Variants in L3MBTL4 observed in about 807,000 individuals in gnomAD.
L3MBTL4 encodes lethal(3)malignant brain tumor-like protein 4.
Under a neutral mutation model 84.5 loss-of-function variants are expected in L3MBTL4, and 70 were observed. The observed-to-expected ratio is 0.83, with a 90% CI of 0.68 to 1.01. The LOEUF is 1.01. Ranked by LOEUF, L3MBTL4 falls within the 50% of genes least tolerant of loss-of-function variation. The pLI is 0.00. For synonymous variants in L3MBTL4, 274 were observed against 259.8 expected, an observed-to-expected ratio of 1.05 and a Z score of -0.52; for missense variants, 715 against 754.8, an observed-to-expected ratio of 0.95 and a Z score of 0.62.
intron 5 of L3MBTL4, chr18:6,260,372 G>A (rs1157003247): frequency 6.6e-6 from 1 of 152,100 alleles, no homozygotes; most frequent in African/African-American, 2.4e-5. Flanking sequence ...TTGCTTTGGG[G>A]AGTATGGCCA....
At chr18:6,038,878 T>C (rs558605724) in intron 16 of L3MBTL4, among the ~76,000 whole-genome samples, 1 of 152,024 alleles carries the variant, frequency 6.6e-6, no homozygotes, top group Admixed American at 6.5e-5. Flanking sequence ...CCCCCTACGG[T>C]TTTTGGAGAT....
chr18:6,365,943 A>G (rs1215285690), intron 1 of L3MBTL4, among the ~76,000 whole-genome samples: 2 of 152,202 alleles, frequency 1.3e-5, no homozygotes, highest in Non-Finnish European at 2.9e-5. Flanking sequence ...TTGAAAAAAA[A>G]TCACACAGCC....
In L3MBTL4 at chr18:6,239,800, C is replaced by T. The variant is rs2047378258; in HGVS notation, c.625G>A (p.Val209Met). 1 of 1,614,070 alleles carries T rather than the reference C, an allele frequency of 6.2e-7. No homozygotes were observed. Among genetic ancestry groups the T allele is most frequent in the African/African-American group, 1.3e-5 (1 of 74,934 alleles). ...EAVDRKNPSL[V>M]CVATIADIVE... ...ATATCTGCTATGGTCGCCACACACACCAAGGAAGGGTTCTTCCTGTCCACG... is the reference window on the plus strand; with the variant it reads ...ATATCTGCTATGGTCGCCACACACATCAAGGAAGGGTTCTTCCTGTCCACG... Residue 209 changes from valine (V) to methionine (M), a missense_variant, in exon 9 of 19, where the codon GTG becomes ATG. Coordinates refer to ENST00000317931, the MANE Select transcript of L3MBTL4 (RefSeq NM_001330559.2).
Position 6,291,497 on chromosome 18 carries a change from G to A in L3MBTL4, c.127+10406C>T, listed in dbSNP as rs147210987. On this transcript the variant is annotated intron_variant, in intron 4 of 18. Transcript: ENST00000317931. ...TCAGCATGGTACTGGCATAGAAACA[G>A]ACACACAGACTGATGGAACACAACA... Among the ~76,000 whole-genome samples the A allele has an allele frequency of 7.1e-3, 1,085 of 152,232 alleles. 5 individuals carry two copies. Among genetic ancestry groups the A allele is most frequent in the Non-Finnish European group, 0.011 (728 of 68,016 alleles).
chr18:6,319,481 C>T (rs1328211716), intron 1 of L3MBTL4, among the ~76,000 whole-genome samples: 1 of 151,946 alleles, frequency 6.6e-6, no homozygotes, highest in African/African-American at 2.4e-5. Context: ...TATATAAAAT[C>T]ATTTGTGACT....
At chr18:6,120,389 TCAGACTGTTGCCTGTGTTGCAAGGGC>T (rs1193742644) in intron 14 of L3MBTL4, among the ~76,000 whole-genome samples, 1 of 152,160 alleles carries the variant, frequency 6.6e-6, no homozygotes. Context: ...ACCTAATATA[TCAGACTGTTGCCTGTGTTGCAAGGGC>T]CAGCTTGTGG....
At chr18:6,133,821 T>C (rs572507602) in intron 14 of L3MBTL4, among the ~76,000 whole-genome samples, 138 of 151,918 alleles carry the variant, frequency 9.1e-4, no homozygotes, top group Non-Finnish European at 1.1e-3. Context: ...ATCTCAGGAG[T>C]TGGGTGAGTG....
At chr18:6,314,027 G>T (rs1055431984) in intron 1 of L3MBTL4, among the ~76,000 whole-genome samples, 1 of 147,694 alleles carries the variant, frequency 6.8e-6, no homozygotes, top group Non-Finnish European at 1.5e-5. Context: ...TATACAGATG[G>T]ATGGCAGATG....
At chr18:5,959,907 TTCCTGCTGGATC>T (rs2095253813) in intron 18 of L3MBTL4, among the ~76,000 whole-genome samples, 175 bp downstream of exon 18, 1 of 151,878 alleles carries the variant, frequency 6.6e-6, no homozygotes, top group Non-Finnish European at 1.5e-5. Flanking sequence ...TTGGGCTCTA[TTCCTGCTGGATC>T]TCCTTTGTCT....
rs555443319 is a variant in L3MBTL4 at position 6,272,298 on chromosome 18, T to C, written c.128-8260A>G. ...AGTTTTAGGCTGCTAGGGAAGAAGA[T>C]GGGAGGGCACCCTACCAAATACCCT... is the stretch of plus-strand genomic sequence containing the variant. On this transcript the variant is annotated intron_variant, in intron 4 of 18. Coordinates refer to ENST00000317931, the MANE Select transcript of L3MBTL4 (RefSeq NM_001330559.2). 5.9e-5 allele frequency among the ~76,000 whole-genome samples: 9 copies of C among 152,244 alleles called. No homozygotes were observed. In the East Asian group the frequency reaches 1.5e-3, roughly 26 times the overall value.
intron 16 of L3MBTL4, among the ~76,000 whole-genome samples, chr18:6,073,470 T>A (rs2057756124): frequency 6.6e-6 from 1 of 152,164 alleles, no homozygotes; most frequent in Non-Finnish European, 1.5e-5. Context: ...TGTGAATTCA[T>A]CTAAACAGTT....
chr18:6,357,918 T>C (rs748305436), intron 1 of L3MBTL4, among the ~76,000 whole-genome samples: 2 of 152,252 alleles, frequency 1.3e-5, no homozygotes, highest in African/African-American at 2.4e-5. Flanking sequence ...CATTATCTCA[T>C]TGTTTTCTTT....
At chr18:6,097,338 T>G (rs569381850) in intron 14 of L3MBTL4, among the ~76,000 whole-genome samples, 1 of 152,334 alleles carries the variant, frequency 6.6e-6, no homozygotes, top group Non-Finnish European at 1.5e-5. Context: ...GCATAATTTT[T>G]AATATCTGAT....
At chr18:6,353,122 G>T (rs573317570) in intron 1 of L3MBTL4, among the ~76,000 whole-genome samples, 1 of 152,128 alleles carries the variant, frequency 6.6e-6, no homozygotes, top group African/African-American at 2.4e-5. Context: ...CACATATTTT[G>T]TCTCTATTAA....
rs373670904 is a variant in L3MBTL4 at position 6,141,349 on chromosome 18, G to A, written c.1097-3053C>T. Among the ~76,000 whole-genome samples, 34 of 152,122 alleles carry A rather than the reference G, an allele frequency of 2.2e-4. No individual in the cohort carries two copies. The East Asian group carries it at 4.3e-3, about 19-fold the overall frequency. On this transcript the variant is annotated intron_variant, in intron 13 of 18. Coordinates refer to ENST00000317931, the MANE Select transcript of L3MBTL4 (RefSeq NM_001330559.2). ...TTGCTCCTGGGCCATTCATTTCCAC[G>A]GCTTCATTTACCAACTGCATGCTAC...
At chr18:6,393,754 C>T (rs1371873800) in intron 1 of L3MBTL4, among the ~76,000 whole-genome samples, 1 of 152,198 alleles carries the variant, frequency 6.6e-6, no homozygotes, top group Non-Finnish European at 1.5e-5. Flanking sequence ...TCATCTCCCA[C>T]CCAGATTGTG....
intron 16 of L3MBTL4, among the ~76,000 whole-genome samples, chr18:5,970,464 G>T (rs935426418): frequency 6.6e-6 from 1 of 152,174 alleles, no homozygotes; most frequent in Non-Finnish European, 1.5e-5. Context: ...TAAGGAAAAG[G>T]TCTCAATTCC....
intron 10 of L3MBTL4, among the ~76,000 whole-genome samples, chr18:6,220,665 A>G (rs1272817992): frequency 6.6e-6 from 1 of 152,228 alleles, no homozygotes; most frequent in Non-Finnish European, 1.5e-5. Flanking sequence ...TATGATAGGA[A>G]TATGTTCACT....
intron 15 of L3MBTL4, among the ~76,000 whole-genome samples, chr18:6,088,069 G>A (rs925010037): frequency 6.6e-6 from 1 of 152,186 alleles, no homozygotes; most frequent in Non-Finnish European, 1.5e-5. Context: ...GCAGCCTATA[G>A]TCTTTTTGAG....
Sources: gnomAD v4.1 joint callset for allele counts (sites outside exome capture counted in the v4.1 genomes callset) on GRCh38, gnomAD v4.1.1 for gene constraint, MANE v1.5 for transcripts, NCBI Gene and HGNC (gene_info 2026-07-23, HGNC 2026-07-21) for gene names.